The following FAT1 variants were observed in gnomAD, a reference collection of about 807,000 sequenced individuals.
FAT1 encodes the protein FAT atypical cadherin 1.
In FAT1, 171 loss-of-function variants were observed where a neutral mutation model predicts 329.8. That is an observed-to-expected ratio of 0.52 (90% CI 0.46 to 0.59). The LOEUF is 0.59. Ranked by LOEUF, FAT1 falls within the 20% of genes least tolerant of loss-of-function variation. The pLI is 0.00. For synonymous variants in FAT1, 2,233 were observed against 2,228.6 expected (o/e 1.00, Z -0.06); for missense variants, 5,672 against 5,774.4 (o/e 0.98, Z 0.57).
At chr4:186,705,465 C>T (rs1320431064) in intron 2 of FAT1, among the ~76,000 whole-genome samples, 6 of 152,082 alleles carry the variant, frequency 3.9e-5, no homozygotes, top group Non-Finnish European at 7.4e-5. Flanking sequence ...AAATTGAGCC[C>T]CACCTATTGC....
At chr4:186,613,371 G>A (rs761030631) in intron 12 of FAT1, 29 bp from the exon 13 acceptor site, 2 of 1,550,414 alleles carry the variant, frequency 1.3e-6, no homozygotes, top group Admixed American at 3.3e-5. Context: ...GGACTCACTT[G>A]TAATTTAAGA....
At chr4:186,713,576 A>C (rs1422854176) in intron 1 of FAT1, among the ~76,000 whole-genome samples, 1 of 152,168 alleles carries the variant, frequency 6.6e-6, no homozygotes, top group African/African-American at 2.4e-5. Flanking sequence ...GCCCATTCTT[A>C]AGAGACAGAG....
chr4:186,643,002 G>A lies in FAT1; in HGVS notation c.3581-3219C>T, dbSNP rs188753641. ...GTATTACTTTTACGAAGACGAGATTGTCTCACATGTAACTGTAAACTAGAG... is the reference window on the plus strand; with the variant it reads ...GTATTACTTTTACGAAGACGAGATTATCTCACATGTAACTGTAAACTAGAG... On this transcript the variant is annotated intron_variant, in intron 3 of 26. Transcript: ENST00000441802. 5.6e-3 allele frequency among the ~76,000 whole-genome samples: 852 copies of A among 152,320 alleles called. 3 individuals carry two copies. The highest frequency in any genetic ancestry group is 7.7e-3 in the Non-Finnish European group (527 of 68,028).
intron 1 of FAT1, among the ~76,000 whole-genome samples, chr4:186,714,611 G>C (rs1382294894): frequency 6.6e-6 from 1 of 152,140 alleles, no homozygotes; most frequent in African/African-American, 2.4e-5. Context: ...AAATCCAAGA[G>C]CAGAACCCCA....
intron 12 of FAT1, 39 bp from the exon 13 acceptor site, chr4:186,613,381 A>G (rs1477987167): frequency 6.7e-7 from 1 of 1,497,638 alleles, no homozygotes; most frequent in Non-Finnish European, 9.3e-7. Context: ...GTAATTTAAG[A>G]CGTGACTTGC....
At position 186,596,555 on chromosome 4, in the gene FAT1, C is replaced by T. The variant is rs369266799; in HGVS notation, c.12985G>A (p.Asp4329Asn). Residue 4329 changes from aspartate to asparagine, a missense_variant, in exon 25 of 27, where the codon GAC becomes AAC. Physicochemically the swap from Asp to Asn is conservative, Grantham distance 23. This residue lies in a region of FAT1 where 1,706 missense variants were observed against 1,859.1 expected (regional missense o/e 0.92). Transcript: ENST00000441802. The surrounding 1 kb of genome is among the most constrained non-coding windows in gnomAD (Gnocchi z 4.7). ...DSDSIQKPSW[D>N]FDYDTKVVDL... ...TGGCTCTTACTGTCATAGTCAAAGT[C>T]CCAGCTAGGCTTCTGGATGGAGTCG... 2 of 1,612,436 alleles carry T rather than the reference C, an allele frequency of 1.2e-6. No individual in the cohort carries two copies. The highest frequency in any genetic ancestry group is 2.7e-5 in the African/African-American group (2 of 74,836).
rs1739786019 is a variant in FAT1, at chr4:186,617,803, C to T, written c.8783G>A (p.Ser2928Asn). ...CACCCCACCTTGGGGGTCATCCTCA[C>T]TCACAGTCCCTTTATAGATCTCGGC... Reference protein sequence around the residue: ...FTAEIYKGTVSEDDPQGGVIA... With the variant: ...FTAEIYKGTVNEDDPQGGVIA... The change falls in exon 10 of 27, where the codon AGT becomes AAT. Residue 2928 changes from serine to asparagine, a missense_variant. Physicochemically the swap from Ser to Asn is conservative, Grantham distance 46. Around this residue, in one of 2 missense-constraint regions of FAT1, gnomAD observed 3,966 missense variants for 3,915.2 expected, o/e 1.01. Coordinates refer to ENST00000441802, the MANE Select transcript of FAT1 (RefSeq NM_005245.4). The T allele has an allele frequency of 6.2e-7, 1 of 1,613,892 alleles. No individual in the cohort carries two copies. Among genetic ancestry groups the T allele is most frequent in the African/African-American group, 1.3e-5 (1 of 74,928 alleles).
chr4:186,640,383 A>G (rs752198460), intron 3 of FAT1, among the ~76,000 whole-genome samples: 36 of 152,206 alleles, frequency 2.4e-4, no homozygotes, highest in Non-Finnish European at 4.1e-4. Flanking sequence ...ACATTTTGTC[A>G]GAAAAGATTT....
intron 3 of FAT1, among the ~76,000 whole-genome samples, chr4:186,659,257 C>T (rs1336470933): frequency 1.3e-5 from 2 of 152,178 alleles, no homozygotes; most frequent in Non-Finnish European, 2.9e-5. Context: ...GTTGTCCACA[C>T]AACGACAAAA....
At chr4:186,651,544 G>A (rs1741659539) in intron 3 of FAT1, among the ~76,000 whole-genome samples, 1 of 152,182 alleles carries the variant, frequency 6.6e-6, no homozygotes. Flanking sequence ...TGGTTCTGTG[G>A]TGGATACAAT....
intron 2 of FAT1, among the ~76,000 whole-genome samples, chr4:186,686,241 C>A (rs189285186): frequency 5.5e-5 from 8 of 146,214 alleles, no homozygotes; most frequent in Admixed American, 3.5e-4. Context: ...AATTTTCACC[C>A]CCCCCCGACA....
intron 12 of FAT1, among the ~76,000 whole-genome samples, chr4:186,613,929 T>A (rs1471253617): frequency 6.6e-6 from 1 of 152,320 alleles, no homozygotes; most frequent in East Asian, 1.9e-4. Context: ...TTGTTTTTTT[T>A]AAACAAGTGG....
At chr4:186,598,521 A>C (rs114113532) in intron 22 of FAT1, 1 of 156,110 alleles carries the variant, frequency 6.4e-6, no homozygotes, top group Non-Finnish European at 1.4e-5. Context: ...GAAGACTATA[A>C]ATTACCTTTC....
chr4:186,607,896 C>T (rs1448594355), intron 16 of FAT1, among the ~76,000 whole-genome samples: 1 of 146,938 alleles, frequency 6.8e-6, no homozygotes, highest in Non-Finnish European at 1.5e-5. Flanking sequence ...TCAACATCTC[C>T]AACGGCAAGT....
At chr4:186,605,950 G>T in intron 17 of FAT1, 120 bp downstream of exon 17, 1 of 923,114 alleles carries the variant, frequency 1.1e-6, no homozygotes, top group Non-Finnish European at 1.7e-6. Flanking sequence ...GCGACTTCTT[G>T]AATTCTACGT....
Position 186,636,628 on chromosome 4 carries a change from G to A in FAT1, c.3929C>T (p.Ser1310Leu), listed in dbSNP as rs200252550. The A allele has an allele frequency of 5.4e-4, 864 of 1,613,764 alleles. 1 individual carries two copies. The highest frequency in any genetic ancestry group is 6.5e-4 in the Non-Finnish European group (766 of 1,179,798). The change falls in exon 5 of 27, where the codon TCG (serine) becomes TTG (leucine). Residue 1310 changes from serine to leucine, a missense_variant. Ser to Leu is a moderately radical substitution (Grantham distance 145, BLOSUM62 -2). Transcript: ENST00000441802. ...TCCAGCTGCTGAAAACCTCTTGGAC[G>A]AAACCACTCCAGTTTTCGGTTCGAT... ...FFIEPKTGVV[S>L]SKRFSAAGEY...
chr4:186,668,388 A>T lies in FAT1; in HGVS notation c.3266-4775T>A, dbSNP rs146858839. Among the ~76,000 whole-genome samples the T allele has an allele frequency of 2.5e-3, 379 of 152,288 alleles. 3 individuals are homozygous for T. The highest frequency in any genetic ancestry group is 3.7e-3 in the Non-Finnish European group (255 of 68,028). On this transcript the variant is annotated intron_variant, in intron 2 of 26. Coordinates refer to ENST00000441802, the MANE Select transcript of FAT1 (RefSeq NM_005245.4). ...ACCAGGGGTAGAGCTAGCCTTCGCC[A>T]TCTCAAAATCAAGCATTAGACTGGG...
At chr4:186,652,459 C>T (rs1286633009) in intron 3 of FAT1, among the ~76,000 whole-genome samples, 3 of 152,134 alleles carry the variant, frequency 2.0e-5, no homozygotes, top group Non-Finnish European at 4.4e-5. Flanking sequence ...AGTTTGTCAT[C>T]ATCAACATCG....
In FAT1 at chr4:186,619,473, G is replaced by A. The variant is rs751674475; in HGVS notation, c.7113C>T (p.Ser2371=). Residue 2371 remains serine, a synonymous_variant, in exon 10 of 27, where the codon AGC becomes AGT. Transcript: ENST00000441802. ...RAVDGGMPTL[S]SDVIVTVDVT... Reference sequence around the variant, plus strand: ...CGTCCACCGTGACAATCACATCACTGCTCAGCGTGGGCATACCACCATCAA... The same window carrying A: ...CGTCCACCGTGACAATCACATCACTACTCAGCGTGGGCATACCACCATCAA... 3.1e-6 allele frequency: 5 copies of A among 1,613,874 alleles called. No homozygotes were observed. Among genetic ancestry groups the A allele is most frequent in the South Asian group, 1.1e-5 (1 of 91,082 alleles).
Sources: allele counts gnomAD v4.1 joint callset (sites outside exome capture counted in the v4.1 genomes callset), GRCh38; gene constraint gnomAD v4.1.1; regional missense constraint gnomAD v4.1.1; non-coding constraint Gnocchi (gnomAD v3.1); transcripts MANE v1.5; gene names NCBI Gene and HGNC (gene_info 2026-07-23, HGNC 2026-07-21).